Variants in CENPT observed in about 807,000 individuals in gnomAD.
CENPT encodes interphase centromere complex protein 22.
CENPT carries 42 observed loss-of-function variants against 59.7 expected under a neutral mutation model. The ratio of observed to expected loss-of-function variants is 0.70; its 90% CI spans 0.55 to 0.91. CENPT has a LOEUF of 0.91. Among genes scored for constraint, CENPT ranks in the 40% least tolerant of loss-of-function variants. The pLI is 0.00. For synonymous variants in CENPT, 295 were observed against 289.6 expected (o/e 1.02, Z -0.19); for missense variants, 716 against 713.4 (o/e 1.00, Z -0.04).
At chr16:67,839,518 C>G (rs1050064011) in intron 1 of CENPT, among the ~76,000 whole-genome samples, 1 of 151,930 alleles carries the variant, frequency 6.6e-6, no homozygotes, top group African/African-American at 2.4e-5. Context: ...CAAGATTGCA[C>G]CACTACACGC....
chr16:67,847,098 C>G (rs895537889), intron 1 of CENPT: 10 of 150,260 alleles, frequency 6.7e-5, no homozygotes, highest in African/African-American at 2.2e-4. Flanking sequence ...TCCCCCCCCC[C>G]CGGCGGCCCG....
chr16:67,843,156 G>A lies in CENPT; in HGVS notation c.-492+4245C>T, dbSNP rs780804231. On this transcript the variant is annotated intron_variant, in intron 1 of 15. Coordinates refer to ENST00000562787, the MANE Select transcript of CENPT (RefSeq NM_025082.4). The surrounding 1 kb of genome is among the most constrained non-coding windows in gnomAD (Gnocchi z 5.7). The stretch of plus-strand genomic sequence containing the variant: ...CAAGTGGAGTTTGCAGCCGCAGAGG[G>A]CGCAGCCGCTGCGGCCGCCGCGTCG... 6 of 1,609,616 alleles carry A rather than the reference G, an allele frequency of 3.7e-6. No homozygotes were observed. The highest frequency in any genetic ancestry group is 3.3e-5 in the Admixed American group (2 of 59,962).
At chr16:67,830,280 C>T in intron 11 of CENPT, 110 bp downstream of exon 11, 1 of 1,401,370 alleles carries the variant, frequency 7.1e-7, no homozygotes, top group East Asian at 2.3e-5. Context: ...AGGAGGCAGC[C>T]ACAGCCAGGG....
rs978973403 is a variant in CENPT at position 67,847,527 on chromosome 16, G to A, written c.-618C>T. ...TGTTCCCGACCATAGCCCGGCCGGG[G>A]TGTAGGTGAACGCCCCCTCCTTGTC... On this transcript the variant is annotated 5_prime_UTR_variant, in exon 1 of 16. Coordinates refer to ENST00000562787, the MANE Select transcript of CENPT (RefSeq NM_025082.4). 1 of 152,552 alleles carries A rather than the reference G, an allele frequency of 6.6e-6. No individual in the cohort carries two copies. The highest frequency in any genetic ancestry group is 1.9e-4 in the East Asian group (1 of 5,182). 9.4% of individuals were successfully genotyped at this position (152,552 alleles called of 1,614,324 possible).
intron 1 of CENPT, among the ~76,000 whole-genome samples, chr16:67,841,143 C>G (rs1037915031): frequency 8.4e-6 from 1 of 118,454 alleles, no homozygotes; most frequent in Non-Finnish European, 1.6e-5. Flanking sequence ...TGCGGTGAGC[C>G]GAGATCTCAC....
chr16:67,836,267 G>C (rs1598146790), intron 1 of CENPT, among the ~76,000 whole-genome samples: 1 of 145,270 alleles, frequency 6.9e-6, no homozygotes, highest in East Asian at 2.1e-4. Context: ...TCACCATGTT[G>C]GCCAAGATGG....
chr16:67,844,449 C>G (rs954768391), intron 1 of CENPT, among the ~76,000 whole-genome samples: 1 of 152,160 alleles, frequency 6.6e-6, no homozygotes, highest in African/African-American at 2.4e-5. Context: ...TGGATTATCT[C>G]CCTGTATCCT....
At position 67,843,173 on chromosome 16, in the gene CENPT, G is replaced by C. The variant is rs780592723; in HGVS notation, c.-492+4228C>G. ...CGCAGAGGGCGCAGCCGCTGCGGCC[G>C]CCGCGTCGGAGTTACAGGCTGCTAC... On this transcript the variant is annotated intron_variant, in intron 1 of 15. Transcript: ENST00000562787. This position sits in a 1 kb window ranked among gnomAD's most constrained non-coding sequence, Gnocchi z 5.7. 3.2e-5 allele frequency: 51 copies of C among 1,610,444 alleles called. No individual in the cohort carries two copies. Among genetic ancestry groups the C allele is most frequent in the Admixed American group, 1.7e-5 (1 of 59,958 alleles).
chr16:67,843,066 G>A lies in CENPT; in HGVS notation c.-492+4335C>T. On this transcript the variant is annotated intron_variant, in intron 1 of 15. Coordinates refer to ENST00000562787, the MANE Select transcript of CENPT (RefSeq NM_025082.4). This position sits in a 1 kb window ranked among gnomAD's most constrained non-coding sequence, Gnocchi z 5.7. ...ACTGTAGACAGCAGTCAGGCTCCGG[G>A]ATCCGTACAGCCGGCGCCCATCACT... The A allele has an allele frequency of 1.2e-6, 2 of 1,611,818 alleles. No homozygotes were observed. Among genetic ancestry groups the A allele is most frequent in the Non-Finnish European group, 1.7e-6 (2 of 1,180,016 alleles).
At position 67,829,903 on chromosome 16, in the gene CENPT, T is replaced by A. The variant is rs1265540329; in HGVS notation, c.1048A>T (p.Thr350Ser). The A allele has an allele frequency of 1.9e-6, 3 of 1,614,260 alleles. No individual in the cohort carries two copies. Among genetic ancestry groups the A allele is most frequent in the Admixed American group, 3.3e-5 (2 of 60,028 alleles). Reference sequence around the variant, plus strand: ...ACCCTGCTGGGTCCTTGTGCTCCTGTTGCCTCCATTTCACTCACACTCACA... The same window carrying A: ...ACCCTGCTGGGTCCTTGTGCTCCTGATGCCTCCATTTCACTCACACTCACA... ...EGVSVSEMEA[T>S]GAQGPSRVEE... The change falls in exon 12 of 16, where the codon ACA (threonine) becomes TCA (serine). Residue 350 changes from threonine to serine, a missense_variant. Transcript: ENST00000562787.
intron 1 of CENPT, among the ~76,000 whole-genome samples, chr16:67,845,072 G>T (rs990150135): frequency 6.6e-6 from 1 of 152,176 alleles, no homozygotes; most frequent in African/African-American, 2.4e-5. Context: ...ACAGGTGTGA[G>T]CTACCCCGCC....
At chr16:67,844,021 C>T (rs528290748) in intron 1 of CENPT, 6 of 167,490 alleles carry the variant, frequency 3.6e-5, no homozygotes, top group African/African-American at 1.4e-4. Context: ...CCCAGGAGGC[C>T]ATTTACAAGG....
rs770740801 is a variant in CENPT, at chr16:67,829,420, T to C, written c.1280+3A>G. 5 of 1,588,444 alleles carry C rather than the reference T, an allele frequency of 3.1e-6. No homozygotes were observed. The highest frequency in any genetic ancestry group is 4.3e-6 in the Non-Finnish European group (5 of 1,172,248). On this transcript the variant is annotated splice_donor_region_variant and intron_variant, in intron 13 of 15. Transcript: ENST00000562787. Reference sequence around the variant, plus strand: ...CATGAGGAATGGGGTTGTGGGATCTTACACTGCAGCACCAGGCGCTGGGGC... The same window carrying C: ...CATGAGGAATGGGGTTGTGGGATCTCACACTGCAGCACCAGGCGCTGGGGC...
intron 12 of CENPT, 121 bp downstream of exon 12, chr16:67,829,644 C>T: frequency 7.6e-7 from 1 of 1,312,452 alleles, no homozygotes; most frequent in Non-Finnish European, 1.1e-6. Flanking sequence ...AGGTGCCCCT[C>T]AGTGTCTCCC....
Position 67,828,496 on chromosome 16 carries a change from C to A in CENPT, c.1540G>T (p.Asp514Tyr), listed in dbSNP as rs1401172596. Reference sequence around the variant, plus strand: ...CACCGCCGCATCAGCAGCTCCAGGTCCTCTGGCTTCACAGTCTTGCGGCCA... The same window carrying A: ...CACCGCCGCATCAGCAGCTCCAGGTACTCTGGCTTCACAGTCTTGCGGCCA... ...HAGRKTVKPE[D>Y]LELLMRRQGL... is the part of the protein sequence containing the mutation. The change falls in exon 15 of 16, where the codon GAC becomes TAC. Residue 514 changes from aspartate (D) to tyrosine (Y), a missense_variant. Physicochemically the swap from Asp to Tyr is radical, Grantham distance 160. Transcript: ENST00000562787. 1 of 1,614,114 alleles carries A rather than the reference C, an allele frequency of 6.2e-7. No homozygotes were observed. The highest frequency in any genetic ancestry group is 1.1e-5 in the South Asian group (1 of 91,090).
At position 67,842,438 on chromosome 16, in the gene CENPT, G is replaced by C; in HGVS notation, c.-492+4963C>G. On this transcript the variant is annotated intron_variant, in intron 1 of 15. Coordinates refer to ENST00000562787, the MANE Select transcript of CENPT (RefSeq NM_025082.4). This position sits in a 1 kb window ranked among gnomAD's most constrained non-coding sequence, Gnocchi z 4.9. ...CGGCTGCGCCGAGCGGCAGTGGTGG[G>C]ATACCACCCAAGGCCTCGCGCGGCG... The C allele has an allele frequency of 2.7e-6, 2 of 730,820 alleles. No individual in the cohort carries two copies. The allele number at this position is 730,820 out of a possible 1,614,324, so 45.3% of individuals were successfully genotyped here.
intron 13 of CENPT, 179 bp downstream of exon 13, chr16:67,829,244 G>T: frequency 1.8e-6 from 1 of 554,988 alleles, no homozygotes. Flanking sequence ...CCTCTAAGCC[G>T]TGGAGGCAGG....
chr16:67,830,793 G>T, intron 10 of CENPT: 1 of 552,388 alleles, frequency 1.8e-6, no homozygotes, highest in Non-Finnish European at 3.2e-6. Flanking sequence ...GGCCCCTATA[G>T]CTGCCCGCCC....
chr16:67,832,567 T>C (rs921235474), intron 4 of CENPT, 22 bp from the exon 5 acceptor site: 22 of 1,598,166 alleles, frequency 1.4e-5, no homozygotes, highest in Non-Finnish European at 1.9e-5. Flanking sequence ...CCAGCAATTA[T>C]GCCGAGAATT....
Sources: allele counts gnomAD v4.1 joint callset (sites outside exome capture counted in the v4.1 genomes callset), GRCh38; gene constraint gnomAD v4.1.1; non-coding constraint Gnocchi (gnomAD v3.1); transcripts MANE v1.5; gene names NCBI Gene and HGNC (gene_info 2026-07-23, HGNC 2026-07-21).